The following TRABD2B variants were observed in gnomAD, a reference collection of about 807,000 sequenced individuals.
TRABD2B encodes metalloprotease TIKI2.
TRABD2B carries 14 observed loss-of-function variants against 40.1 expected under a neutral mutation model. The ratio of observed to expected loss-of-function variants is 0.35; its 90% CI spans 0.23 to 0.55. The LOEUF (loss-of-function observed/expected upper bound fraction) is 0.55, where lower values mean the gene tolerates loss of function less well. TRABD2B is among the 20% of genes least tolerant of loss of function. TRABD2B has a pLI of 0.90. For synonymous variants in TRABD2B, 263 were observed against 277.0 expected, an observed-to-expected ratio of 0.95 and a Z score of 0.50; for missense variants, 541 against 648.6, an observed-to-expected ratio of 0.83 and a Z score of 1.80.
At chr1:47,847,240 T>G (rs1382684941) in intron 2 of TRABD2B, among the ~76,000 whole-genome samples, 1 of 152,100 alleles carries the variant, frequency 6.6e-6, no homozygotes, top group Non-Finnish European at 1.5e-5. Flanking sequence ...AGTGGGTCAT[T>G]CCTAGCCAGG....
At chr1:47,793,073 T>C (rs1380647906) in intron 4 of TRABD2B, among the ~76,000 whole-genome samples, 3 of 152,150 alleles carry the variant, frequency 2.0e-5, no homozygotes, top group African/African-American at 7.2e-5. Context: ...GAGAGTGGCT[T>C]ACCCTCTCCA....
chr1:47,901,878 G>T (rs540907649), intron 2 of TRABD2B, among the ~76,000 whole-genome samples: 1 of 152,164 alleles, frequency 6.6e-6, no homozygotes, highest in East Asian at 1.9e-4. Context: ...ATCAGAGAAG[G>T]CCTCACAGAG....
intron 2 of TRABD2B, among the ~76,000 whole-genome samples, chr1:47,920,775 T>C (rs1460384763): frequency 3.9e-5 from 6 of 152,218 alleles, no homozygotes; most frequent in Non-Finnish European, 8.8e-5. Context: ...GGTTGCGTGC[T>C]TAACAGGTAC....
At position 47,852,954 on chromosome 1, in the gene TRABD2B, G is replaced by C. The variant is rs147101087; in HGVS notation, c.667-51335C>G. Among the ~76,000 whole-genome samples the C allele has an allele frequency of 9.9e-4, 150 of 152,094 alleles. 2 individuals carry two copies. The highest frequency in any genetic ancestry group is 3.5e-3 in the African/African-American group (145 of 41,466). On this transcript the variant is annotated intron_variant, in intron 2 of 6. Transcript: ENST00000606738. ...CTGAGTTCTCATATTCTCTTTGATT[G>C]GGTTTAAGAGTTTCACTTCCACGGC...
rs908134729 is a variant in TRABD2B at position 47,909,427 on chromosome 1, A to C, written c.666+84607T>G. On this transcript the variant is annotated intron_variant, in intron 2 of 6. Coordinates refer to ENST00000606738, the MANE Select transcript of TRABD2B (RefSeq NM_001194986.2). Reference sequence around the variant, plus strand: ...GAGAAAGAGAGACAGAGAGAAGGGGAGAGAGAGAGAGAGAAGAAGAAGAAG... The same window carrying C: ...GAGAAAGAGAGACAGAGAGAAGGGGCGAGAGAGAGAGAGAAGAAGAAGAAG... 2.0e-5 allele frequency among the ~76,000 whole-genome samples: 3 copies of C among 148,872 alleles called. No homozygotes were observed. The East Asian group carries it at 6.0e-4, about 30-fold the overall frequency.
chr1:47,807,593 T>C (rs1308091270), intron 2 of TRABD2B, among the ~76,000 whole-genome samples: 1 of 152,194 alleles, frequency 6.6e-6, no homozygotes, highest in Non-Finnish European at 1.5e-5. Context: ...GTAATTGTGA[T>C]GAGAGTTCCT....
In TRABD2B at chr1:47,994,971, T is replaced by A. The variant is rs932914133; in HGVS notation, c.103-374A>T. Among the ~76,000 whole-genome samples, 2 of 152,192 alleles carry A rather than the reference T, an allele frequency of 1.3e-5. No individual in the cohort carries two copies. The highest frequency in any genetic ancestry group is 4.8e-5 in the African/African-American group (2 of 41,442). Reference sequence around the variant, plus strand: ...TGAAGGGAAACTCTCATGATTAGCGTTCCCTGTGAGTGCCAAGGACTGCCA... The same window carrying A: ...TGAAGGGAAACTCTCATGATTAGCGATCCCTGTGAGTGCCAAGGACTGCCA... On this transcript the variant is annotated intron_variant, in intron 1 of 6. Coordinates refer to ENST00000606738, the MANE Select transcript of TRABD2B (RefSeq NM_001194986.2). The surrounding 1 kb of genome is among the most constrained non-coding windows in gnomAD (Gnocchi z 6.7).
intron 5 of TRABD2B, among the ~76,000 whole-genome samples, chr1:47,775,920 G>A (rs565279500): frequency 2.0e-5 from 3 of 152,202 alleles, no homozygotes; most frequent in East Asian, 1.9e-4. Flanking sequence ...GTGAGGGAGC[G>A]AGCCCTGGGT....
chr1:47,807,955 T>C (rs1383357894), intron 2 of TRABD2B, among the ~76,000 whole-genome samples: 6 of 152,178 alleles, frequency 3.9e-5, no homozygotes, highest in Non-Finnish European at 8.8e-5. Flanking sequence ...AGGGGTGAAC[T>C]TGTGATGGTT....
chr1:47,873,857 A>G (rs762142883), intron 2 of TRABD2B, among the ~76,000 whole-genome samples: 2 of 152,216 alleles, frequency 1.3e-5, no homozygotes, highest in Non-Finnish European at 2.9e-5. Context: ...TCATTCTGAC[A>G]CTATATAAAG....
intron 2 of TRABD2B, among the ~76,000 whole-genome samples, chr1:47,950,778 C>T (rs905498594): frequency 2.0e-5 from 3 of 152,226 alleles, no homozygotes; most frequent in Admixed American, 6.5e-5. Context: ...CCCAAATTTT[C>T]AGCCACCAAC....
At chr1:47,826,562 C>T (rs950694197) in intron 2 of TRABD2B, among the ~76,000 whole-genome samples, 7 of 151,900 alleles carry the variant, frequency 4.6e-5, no homozygotes, top group African/African-American at 9.7e-5. Flanking sequence ...TTTCTAGGAG[C>T]CATTTTTTTG....
rs1644236622 is a variant in TRABD2B, at chr1:47,760,835, C to G, written c.*5067G>C. The G allele has an allele frequency of 6.6e-6, 1 of 152,226 alleles. No homozygotes were observed. The highest frequency in any genetic ancestry group is 2.1e-4 in the South Asian group (1 of 4,830). 9.4% of individuals were successfully genotyped at this position (152,226 alleles called of 1,614,324 possible). A position where few individuals can be genotyped will look rare whatever the true frequency, so the allele number is the denominator to read the frequency against. On this transcript the variant is annotated 3_prime_UTR_variant, in exon 7 of 7. Transcript: ENST00000606738. ...CTCCTTTGGCTGAATCAGCCCCTGC[C>G]CACCCCAGCCACTGGGGACCCAAGA...
intron 2 of TRABD2B, among the ~76,000 whole-genome samples, chr1:47,881,204 T>C (rs772530125): frequency 5.3e-5 from 8 of 151,642 alleles, no homozygotes; most frequent in Admixed American, 1.3e-4. Context: ...GGCCCGGGAG[T>C]GTGTGTGTAA....
At chr1:47,805,654 C>T (rs1393275700) in intron 2 of TRABD2B, among the ~76,000 whole-genome samples, 2 of 152,136 alleles carry the variant, frequency 1.3e-5, no homozygotes, top group Non-Finnish European at 2.9e-5. Context: ...CCTCCTGCCC[C>T]GTACCATCAT....
intron 4 of TRABD2B, among the ~76,000 whole-genome samples, chr1:47,790,166 A>AT (rs1644651570): frequency 1.3e-5 from 2 of 152,182 alleles, no homozygotes; most frequent in South Asian, 4.1e-4. Context: ...CCTTGTACTT[A>AT]TTTTTCTGTT....
chr1:47,993,940 G>C, intron 2 of TRABD2B, 94 bp downstream of exon 2: 2 of 1,299,074 alleles, frequency 1.5e-6, no homozygotes, highest in South Asian at 1.5e-5. Flanking sequence ...GACTCTGGCT[G>C]CCTCCCCCTC....
intron 2 of TRABD2B, among the ~76,000 whole-genome samples, chr1:47,912,695 G>A (rs1000465434): frequency 2.0e-5 from 3 of 152,204 alleles, no homozygotes; most frequent in East Asian, 1.9e-4. Flanking sequence ...GTGCTGGGGA[G>A]ACACTGGGCT....
chr1:47,983,804 T>C (rs1645877107), intron 2 of TRABD2B, among the ~76,000 whole-genome samples: 1 of 150,492 alleles, frequency 6.6e-6, no homozygotes. Context: ...ACACTAGAAG[T>C]GTCCTTGTTG....
Sources: allele counts gnomAD v4.1 joint callset (sites outside exome capture counted in the v4.1 genomes callset), GRCh38; gene constraint gnomAD v4.1.1; non-coding constraint Gnocchi (gnomAD v3.1); transcripts MANE v1.5; gene names NCBI Gene and HGNC (gene_info 2026-07-23, HGNC 2026-07-21).